SLC12A9: variants seen among roughly 807,000 people sequenced by gnomAD.
The protein encoded by SLC12A9 is CCC-interacting protein 1.
A neutral mutation model predicts 66.0 loss-of-function variants in SLC12A9; 55 were observed. That is an observed-to-expected ratio of 0.83 (90% confidence interval 0.67 to 1.04). The LOEUF (loss-of-function observed/expected upper bound fraction) is 1.04, where lower values mean the gene tolerates loss of function less well. Ranked by LOEUF, SLC12A9 falls within the 50% of genes least tolerant of loss-of-function variation. SLC12A9 has a pLI of 0.00. For missense variants in SLC12A9, 1,061 were observed against 1,241.9 expected, an observed-to-expected ratio of 0.85 and a Z score of 2.19; for synonymous variants, 577 against 569.0, an observed-to-expected ratio of 1.01 and a Z score of -0.20.
intron 1 of SLC12A9, among the ~76,000 whole-genome samples, chr7:100,830,351 T>C (rs1399748434): frequency 6.6e-6 from 1 of 152,040 alleles, no homozygotes; most frequent in African/African-American, 2.4e-5. Context: ...AAACTCTGTC[T>C]CAAAACATAA....
At chr7:100,847,957 G>A (rs775632020), upstream of SLC12A9, among the ~76,000 whole-genome samples, 1 of 151,818 alleles carries the variant, frequency 6.6e-6, no homozygotes, top group African/African-American at 2.4e-5. Flanking sequence ...ATGGTGGCAC[G>A]TGCCTGTAAT....
At chr7:100,836,440 C>G (rs1018791865) in intron 1 of SLC12A9, among the ~76,000 whole-genome samples, 1 of 152,120 alleles carries the variant, frequency 6.6e-6, no homozygotes, top group Non-Finnish European at 1.5e-5. Flanking sequence ...CTCTTCCAGC[C>G]TGGGGACCAG....
intron 1 of SLC12A9, among the ~76,000 whole-genome samples, chr7:100,838,568 T>C (rs1813715130): frequency 6.6e-6 from 1 of 152,070 alleles, no homozygotes; most frequent in Admixed American, 6.6e-5. Context: ...CCAAGGCTGG[T>C]GTACAGTGAC....
intron 7 of SLC12A9, 35 bp from the exon 8 acceptor site, chr7:100,859,850 A>G (rs372797243): frequency 2.7e-5 from 42 of 1,575,764 alleles, no homozygotes; most frequent in Admixed American, 3.5e-5. Flanking sequence ...CCCGTGACGC[A>G]TGATCATCCG....
Position 100,866,274 on chromosome 7 carries a change from AG to A in SLC12A9, c.2419del (p.Ala807ProfsTer15). ...RAEVQEVVWGEGAGAGEPEAE... is the reference protein window; with the variant it reads ...RAEVQEVVWGXGAGAGEPEAE... ...GAGGTGCAGGAGGTGGTGTGGGGCGAGGGGGCCGGGGCTGGGGAACCCGAGG... is the reference window on the plus strand; with the variant it reads ...GAGGTGCAGGAGGTGGTGTGGGGCGAGGGGCCGGGGCTGGGGAACCCGAGG... On this transcript the variant is annotated frameshift_variant, in exon 14 of 14. Coordinates refer to ENST00000354161, the MANE Select transcript of SLC12A9 (RefSeq NM_020246.4). LOFTEE classifies it low-confidence loss of function (END_TRUNC). The surrounding 1 kb of genome is among the most constrained non-coding windows in gnomAD (Gnocchi z 7.3). 1 of 1,006,728 alleles carries A rather than the reference AG, an allele frequency of 9.9e-7. No individual in the cohort carries two copies. Among genetic ancestry groups the A allele is most frequent in the Non-Finnish European group, 1.4e-6 (1 of 718,520 alleles). 62.4% of individuals were successfully genotyped at this position (1,006,728 alleles called of 1,614,324 possible). A position where few individuals can be genotyped will look rare whatever the true frequency, so the allele number is the denominator to read the frequency against.
At chr7:100,842,549 C>T (rs2116530481) in intron 1 of SLC12A9, among the ~76,000 whole-genome samples, 1 of 152,336 alleles carries the variant, frequency 6.6e-6, no homozygotes, top group Middle Eastern at 3.4e-3. Flanking sequence ...GTCCAATGTT[C>T]TGTGGACCAT....
chr7:100,845,551 A>T (rs567927367), intron 1 of SLC12A9, among the ~76,000 whole-genome samples: 76 of 152,116 alleles, frequency 5.0e-4, no homozygotes, highest in African/African-American at 1.8e-3. Context: ...GGGTTTCACC[A>T]TGTAAGCCAG....
intron 4 of SLC12A9, 96 bp from the exon 5 acceptor site, chr7:100,856,772 A>G (rs1814410587): frequency 2.4e-6 from 3 of 1,270,888 alleles, no homozygotes; most frequent in African/African-American, 1.5e-5. Flanking sequence ...TCGGCCTCCC[A>G]AAGTGCTGGA....
At chr7:100,851,333 A>G (rs1428388142), upstream of SLC12A9, among the ~76,000 whole-genome samples, 1 of 152,110 alleles carries the variant, frequency 6.6e-6, no homozygotes, top group African/African-American at 2.4e-5. Context: ...TAACAAGGTA[A>G]GGTGGAGGTT....
At chr7:100,853,657 A>G (rs993112314) in intron 1 of SLC12A9, among the ~76,000 whole-genome samples, 1 of 145,938 alleles carries the variant, frequency 6.9e-6, no homozygotes, top group African/African-American at 2.6e-5. Context: ...CGCCTCCAGG[A>G]CTCAAGCGAT....
chr7:100,861,317 G>T lies in SLC12A9; in HGVS notation c.1343+55G>T. The T allele has an allele frequency of 6.2e-7, 1 of 1,613,178 alleles. No individual in the cohort carries two copies. On this transcript the variant is annotated intron_variant, in intron 10 of 13. Coordinates refer to ENST00000354161, the MANE Select transcript of SLC12A9 (RefSeq NM_020246.4). The surrounding 1 kb of genome is among the most constrained non-coding windows in gnomAD (Gnocchi z 5.3). ...AGAAGAAGGGAGGACTCGGGCTCAGGCGTGGGGCTGGGGACTGCAGCCTCG... is the reference window on the plus strand; with the variant it reads ...AGAAGAAGGGAGGACTCGGGCTCAGTCGTGGGGCTGGGGACTGCAGCCTCG...
At chr7:100,853,742 C>G (rs944619767) in intron 1 of SLC12A9, among the ~76,000 whole-genome samples, 61 of 134,982 alleles carry the variant, frequency 4.5e-4, no homozygotes, top group African/African-American at 1.5e-3. Flanking sequence ...TTTTTTTTTT[C>G]TTGTGAGACG....
chr7:100,844,153 G>A (rs1813851814), intron 1 of SLC12A9, among the ~76,000 whole-genome samples: 1 of 152,174 alleles, frequency 6.6e-6, no homozygotes, highest in Admixed American at 6.5e-5. Flanking sequence ...ACTGTTCCCA[G>A]TATATACATC....
chr7:100,866,582 C>T lies in SLC12A9; in HGVS notation c.2722C>T (p.Pro908Ser). ...GPTLLVHGVT[P>S]VTCTDL ...CACGCTGCTGGTTCATGGGGTCACT[C>T]CAGTCACCTGCACTGATCTGTGATG... Residue 908 changes from proline (P) to serine (S), a missense_variant, in exon 14 of 14, where the codon CCA becomes TCA. By Grantham distance (74) the Pro-to-Ser change is moderately conservative (BLOSUM62 -1). Transcript: ENST00000354161. The surrounding 1 kb of genome is among the most constrained non-coding windows in gnomAD (Gnocchi z 7.3). 2 of 1,586,370 alleles carry T rather than the reference C, an allele frequency of 1.3e-6. No homozygotes were observed. Among genetic ancestry groups the T allele is most frequent in the South Asian group, 1.2e-5 (1 of 86,872 alleles).
upstream of SLC12A9, among the ~76,000 whole-genome samples, chr7:100,848,623 ACGCCT>A (rs1191055907): frequency 1.3e-5 from 2 of 152,164 alleles, no homozygotes; most frequent in Non-Finnish European, 2.9e-5. Context: ...GCAGTGGTTC[ACGCCT>A]GTAATTCCAG....
chr7:100,841,676 A>C (rs1250255531), intron 1 of SLC12A9, among the ~76,000 whole-genome samples: 1 of 152,168 alleles, frequency 6.6e-6, no homozygotes, highest in Non-Finnish European at 1.5e-5. Flanking sequence ...TATGTCTATA[A>C]AGTTTTATTA....
In SLC12A9 at chr7:100,857,039, T is replaced by C. The variant is rs1353574176; in HGVS notation, c.620T>C (p.Val207Ala). The C allele has an allele frequency of 6.2e-7, 1 of 1,614,104 alleles. No individual in the cohort carries two copies. The highest frequency in any genetic ancestry group is 1.3e-5 in the African/African-American group (1 of 74,942). ...CTGGTCTCTGGCTCCCTGGCCTCTG[T>C]GCTCATCAGTTTTGTGGCTGTGGGG... ...FLLVSGSLAS[V>A]LISFVAVGPR... is the part of the protein sequence containing the mutation. The change falls in exon 5 of 14, where the codon GTG becomes GCG. Residue 207 changes from valine to alanine, a missense_variant. Physicochemically the swap from Val to Ala is moderately conservative, Grantham distance 64 (BLOSUM62 0). Transcript: ENST00000354161.
At chr7:100,859,670 C>G in intron 7 of SLC12A9, 1 of 585,446 alleles carries the variant, frequency 1.7e-6, no homozygotes, top group East Asian at 2.9e-5. Context: ...ATGATTACAG[C>G]ACTGCACTTT....
intron 13 of SLC12A9, among the ~76,000 whole-genome samples, chr7:100,863,982 T>C (rs1293023021): frequency 1.3e-5 from 2 of 152,138 alleles, no homozygotes; most frequent in East Asian, 3.8e-4. Context: ...GAGAGCCTGG[T>C]CTTCACTTTT....
Sources: gnomAD v4.1 joint callset for allele counts (sites outside exome capture counted in the v4.1 genomes callset) on GRCh38, gnomAD v4.1.1 for gene constraint, Gnocchi (gnomAD v3.1) non-coding constraint, MANE v1.5 for transcripts, NCBI Gene and HGNC (gene_info 2026-07-23, HGNC 2026-07-21) for gene names.